Variants in SNX5 observed in about 807,000 individuals in gnomAD.
The protein encoded by SNX5 is sorting nexin 5, also known as sorting nexin-5.
SNX5 carries 31 observed loss-of-function variants against 53.9 expected under a neutral mutation model. The ratio of observed to expected loss-of-function variants is 0.58; its 90% CI spans 0.43 to 0.78. SNX5 has a LOEUF of 0.78. Ranked by LOEUF, SNX5 falls within the 30% of genes least tolerant of loss-of-function variation. SNX5 has a pLI of 0.00. For missense variants in SNX5, 471 were observed against 478.8 expected (o/e 0.98, Z 0.15); for synonymous variants, 168 against 171.1 (o/e 0.98, Z 0.14).
At position 17,950,304 on chromosome 20, in the gene SNX5, G is replaced by C; in HGVS notation, c.702C>G (p.Thr234=). The change falls in exon 7 of 13, where the codon ACC becomes ACG. Residue 234 remains threonine (T), a synonymous_variant. Transcript: ENST00000377759. ...KDSCVKADKM[T]RSHKNVADDY... is the part of the protein sequence containing the mutation. ...AATGATATTTACTTTTATGAGATCT[G>C]GTCATTTTGTCAGCTTTCACACAAG... 6.2e-7 allele frequency: 1 copy of C among 1,611,598 alleles called. No individual in the cohort carries two copies. Among genetic ancestry groups the C allele is most frequent in the South Asian group, 1.1e-5 (1 of 91,010 alleles).
At chr20:17,951,238 C>G in intron 6 of SNX5, 1 of 400,818 alleles carries the variant, frequency 2.5e-6, no homozygotes, top group South Asian at 3.3e-5. Flanking sequence ...TAGAAATTAA[C>G]TGAGTAATCT....
At chr20:17,962,620 C>G (rs918345437) in intron 1 of SNX5, 38 of 461,802 alleles carry the variant, frequency 8.2e-5, no homozygotes, top group African/African-American at 7.4e-4. Flanking sequence ...CTAAAGACTT[C>G]TAACAGAAGA....
intron 2 of SNX5, 28 bp downstream of exon 2, chr20:17,956,905 G>C: frequency 9.0e-7 from 1 of 1,116,766 alleles, no homozygotes; most frequent in Non-Finnish European, 1.4e-6. Context: ...ACCTAGCACT[G>C]TATGTATTAC....
At chr20:17,958,493 A>AT (rs1568595201) in intron 1 of SNX5, among the ~76,000 whole-genome samples, 1 of 152,222 alleles carries the variant, frequency 6.6e-6, no homozygotes, top group Non-Finnish European at 1.5e-5. Context: ...GAGGGAGCCT[A>AT]TTACAATGGC....
chr20:17,956,611 G>T (rs1300114214), intron 2 of SNX5, among the ~76,000 whole-genome samples: 1 of 146,460 alleles, frequency 6.8e-6, no homozygotes, highest in African/African-American at 2.5e-5. Flanking sequence ...GGAGGCAGGG[G>T]CTGCAGTGAG....
intron 3 of SNX5, among the ~76,000 whole-genome samples, chr20:17,954,780 G>A (rs1389935986): frequency 2.6e-5 from 4 of 152,026 alleles, no homozygotes; most frequent in East Asian, 1.9e-4. Context: ...GCACGGCCTC[G>A]GCTTACTGCA....
chr20:17,949,791 A>C (rs939765987), intron 8 of SNX5, among the ~76,000 whole-genome samples: 1 of 152,230 alleles, frequency 6.6e-6, no homozygotes, highest in South Asian at 2.1e-4. Flanking sequence ...GGTCTAGGGC[A>C]TTACCAGGCA....
rs1448638867 is a variant in SNX5, at chr20:17,947,464, AAAG to A, written c.1078+19_1078+21del. On this transcript the variant is annotated intron_variant, in intron 11 of 12. Coordinates refer to ENST00000377759, the MANE Select transcript of SNX5 (RefSeq NM_014426.4). ...AAATTATTTTCAAATTACAGTACAG[AAAG>A]AAGAATGTCCTGCTCAACCTTCTTT... is the stretch of plus-strand genomic sequence containing the variant. The A allele has an allele frequency of 5.0e-6, 8 of 1,606,318 alleles. No individual in the cohort carries two copies. Among genetic ancestry groups the A allele is most frequent in the South Asian group, 4.5e-5 (4 of 89,784 alleles).
At position 17,955,426 on chromosome 20, in the gene SNX5, T is replaced by C. The variant is rs2035336623; in HGVS notation, c.206A>G (p.His69Arg). The C allele has an allele frequency of 1.2e-6, 2 of 1,614,180 alleles. No homozygotes were observed. The highest frequency in any genetic ancestry group is 1.6e-4 in the Middle Eastern group (1 of 6,062). ...GTCATGTAGCCACACAAAGTCTTCA[T>C]GTTGCCTTGTAACAGAAAACTCTGG... The part of the protein sequence containing the change: ...QSPEFSVTRQ[H>R]EDFVWLHDTL... Residue 69 changes from histidine to arginine, a missense_variant, in exon 3 of 13, where the codon CAT (histidine) becomes CGT (arginine). Coordinates refer to ENST00000377759, the MANE Select transcript of SNX5 (RefSeq NM_014426.4).
chr20:17,943,019 C>A (rs2039438528), intron 12 of SNX5, 91 bp downstream of exon 12: 1 of 860,318 alleles, frequency 1.2e-6, no homozygotes, highest in South Asian at 1.5e-5. Context: ...CAAGGCCACC[C>A]CAACTGCCTG....
intron 1 of SNX5, among the ~76,000 whole-genome samples, chr20:17,959,336 C>T (rs918879382): frequency 5.9e-5 from 9 of 152,176 alleles, no homozygotes; most frequent in Non-Finnish European, 1.2e-4. Flanking sequence ...GTAATACCCC[C>T]GACTATACCT....
intron 8 of SNX5, among the ~76,000 whole-genome samples, chr20:17,949,824 G>A (rs1020785016): frequency 6.6e-6 from 1 of 152,196 alleles, no homozygotes; most frequent in East Asian, 1.9e-4. Context: ...CCAATTGCCA[G>A]GGGAAGATGC....
intron 2 of SNX5, 71 bp from the exon 3 acceptor site, chr20:17,955,546 A>G: frequency 9.7e-7 from 1 of 1,027,522 alleles, no homozygotes; most frequent in Non-Finnish European, 1.5e-6. Context: ...CCTAGGCTAC[A>G]CAGTGGGAAA....
intron 1 of SNX5, chr20:17,961,412 G>A (rs1315580609): frequency 1.0e-6 from 1 of 985,330 alleles, no homozygotes; most frequent in Admixed American, 6.1e-5. Context: ...TGGTTATGGT[G>A]ACTGCAGACT....
chr20:17,951,234 T>G, intron 6 of SNX5: 1 of 392,456 alleles, frequency 2.5e-6, no homozygotes. Context: ...ATTTTAGAAA[T>G]TAACTGAGTA....
intron 1 of SNX5, among the ~76,000 whole-genome samples, chr20:17,967,480 T>C (rs1179234151): frequency 2.6e-5 from 4 of 152,226 alleles, no homozygotes; most frequent in Admixed American, 6.5e-5. Flanking sequence ...CAAGTTTCTC[T>C]ATGGAGGTGC....
intron 1 of SNX5, among the ~76,000 whole-genome samples, chr20:17,960,734 A>G (rs144874632): frequency 1.5e-3 from 224 of 149,502 alleles, no homozygotes; most frequent in African/African-American, 5.4e-3. Flanking sequence ...CCAAGATCGC[A>G]CCACTGCACT....
intron 6 of SNX5, 94 bp downstream of exon 6, chr20:17,951,406 C>T (rs2122368721): frequency 6.6e-6 from 5 of 752,536 alleles, no homozygotes; most frequent in East Asian, 5.0e-5. Context: ...TAAAAGTTAA[C>T]CATTTGTTTC....
chr20:17,968,579 G>A lies in SNX5; in HGVS notation c.-154C>T, dbSNP rs2273451. Reference sequence around the variant, plus strand: ...CGGCGGCAGGAGGCCTCCGGACTCCGCCACCATCCCAGCTGCCCCGGGAGC... The same window carrying A: ...CGGCGGCAGGAGGCCTCCGGACTCCACCACCATCCCAGCTGCCCCGGGAGC... On this transcript the variant is annotated 5_prime_UTR_variant, in exon 1 of 13. Transcript: ENST00000377759. The A allele has an allele frequency of 0.012, 7,937 of 689,534 alleles. 317 individuals are homozygous for A. In the East Asian group the frequency reaches 0.12, roughly 11 times the overall value. 42.7% of individuals were successfully genotyped at this position (689,534 alleles called of 1,614,324 possible).
Sources: allele counts gnomAD v4.1 joint callset (sites outside exome capture counted in the v4.1 genomes callset), GRCh38; gene constraint gnomAD v4.1.1; transcripts MANE v1.5; gene names NCBI Gene and HGNC (gene_info 2026-07-23, HGNC 2026-07-21).